Variants in CNTNAP4 observed in about 807,000 individuals in gnomAD.
CNTNAP4 encodes the protein contactin-associated protein-like 4.
Under a neutral mutation model 148.4 loss-of-function variants are expected in CNTNAP4, and 98 were observed. The ratio of observed to expected loss-of-function variants is 0.66; its 90% CI spans 0.56 to 0.78. The LOEUF is 0.78. Among genes scored for constraint, CNTNAP4 ranks in the 30% least tolerant of loss-of-function variants. CNTNAP4 has a pLI of 0.00. For synonymous variants in CNTNAP4, 730 were observed against 565.1 expected (o/e 1.29, Z -4.14); for missense variants, 1,935 against 1,565.6 (o/e 1.24, Z -3.98).
chr16:76,550,435 A>G (rs1024599619), intron 21 of CNTNAP4, among the ~76,000 whole-genome samples: 4 of 152,154 alleles, frequency 2.6e-5, no homozygotes, highest in South Asian at 2.1e-4. Context: ...AATAGGTGAA[A>G]TGTTTTCAGT....
intron 3 of CNTNAP4, among the ~76,000 whole-genome samples, chr16:76,417,868 T>C (rs2079044066): frequency 6.6e-6 from 1 of 151,730 alleles, no homozygotes; most frequent in East Asian, 1.9e-4. Context: ...TCTCTGGATA[T>C]AGAGTTGTAG....
At chr16:76,537,443 G>GGT (rs200832627) in intron 18 of CNTNAP4, among the ~76,000 whole-genome samples, 43 of 96,420 alleles carry the variant, frequency 4.5e-4, no homozygotes, top group African/African-American at 1.1e-3. Context: ...ATATGTATTT[G>GGT]GTGTGTGTGT....
At chr16:76,355,559 C>T in intron 3 of CNTNAP4, 48 bp downstream of exon 3, 2 of 1,417,362 alleles carry the variant, frequency 1.4e-6, no homozygotes, top group Non-Finnish European at 9.6e-7. Flanking sequence ...AAAGTATAAT[C>T]AGTACTGCAT....
intron 2 of CNTNAP4, among the ~76,000 whole-genome samples, chr16:76,326,355 C>T (rs1369887369): frequency 6.6e-6 from 1 of 152,134 alleles, no homozygotes; most frequent in Non-Finnish European, 1.5e-5. Flanking sequence ...TATCAAAAGC[C>T]AGGACTCCTA....
chr16:76,306,614 C>G (rs544531547), intron 1 of CNTNAP4, among the ~76,000 whole-genome samples: 1 of 152,200 alleles, frequency 6.6e-6, no homozygotes, highest in Non-Finnish European at 1.5e-5. Context: ...TCGCATACGT[C>G]CAGTGACAGG....
In CNTNAP4 at chr16:76,356,313, A is replaced by G. The variant is rs996413204; in HGVS notation, c.390+802A>G. ...AATATGTGGAGTTGTATATGTATGT[A>G]TATGCATACACATGTACGCATATAT... On this transcript the variant is annotated intron_variant, in intron 3 of 23. Coordinates refer to ENST00000611870, the MANE Select transcript of CNTNAP4 (RefSeq NM_033401.5). 2.6e-5 allele frequency among the ~76,000 whole-genome samples: 4 copies of G among 152,024 alleles called. No homozygotes were observed. The Admixed American group carries it at 2.6e-4, about 10-fold the overall frequency.
chr16:76,530,350 T>C (rs1323156705), intron 17 of CNTNAP4, among the ~76,000 whole-genome samples: 5 of 152,188 alleles, frequency 3.3e-5, no homozygotes, highest in Non-Finnish European at 7.4e-5. Flanking sequence ...AATTACGCAC[T>C]TCTCCCATCC....
At chr16:76,377,977 A>T (rs144629316) in intron 3 of CNTNAP4, among the ~76,000 whole-genome samples, 1 of 152,182 alleles carries the variant, frequency 6.6e-6, no homozygotes, top group Non-Finnish European at 1.5e-5. Context: ...AATAAATTAA[A>T]GTTTTCAGGA....
intron 4 of CNTNAP4, among the ~76,000 whole-genome samples, chr16:76,445,750 C>A (rs1455980071): frequency 1.3e-5 from 2 of 152,070 alleles, no homozygotes; most frequent in Non-Finnish European, 2.9e-5. Flanking sequence ...GGGAAAAATT[C>A]TCTTGGTAGC....
Position 76,316,425 on chromosome 16 carries a change from A to G in CNTNAP4, c.98A>G (p.Asp33Gly). ...VEAGNSYDCDDPLVSALPQAS... is the reference protein window; with the variant it reads ...VEAGNSYDCDGPLVSALPQAS... ...TTCCTCCTGGCAGATGACTGTGATG[A>G]TCCTCTTGTGTCTGCCTTGCCTCAG... Residue 33 changes from aspartate to glycine, a missense_variant, in exon 2 of 24, where the codon GAT becomes GGT. By Grantham distance (94) the Asp-to-Gly change is moderately conservative. Transcript: ENST00000611870. 1 of 1,613,332 alleles carries G rather than the reference A, an allele frequency of 6.2e-7. No individual in the cohort carries two copies. The highest frequency in any genetic ancestry group is 1.3e-5 in the African/African-American group (1 of 75,034).
chr16:76,302,742 G>T (rs1960108798), intron 1 of CNTNAP4, among the ~76,000 whole-genome samples: 2 of 152,148 alleles, frequency 1.3e-5, no homozygotes, highest in Admixed American at 1.3e-4. Context: ...CTGCACTCGA[G>T]GGGAGGGGAT....
intron 3 of CNTNAP4, among the ~76,000 whole-genome samples, chr16:76,415,945 C>T (rs4261574): frequency 0.35 from 52,035 of 146,998 alleles, 10,732 homozygotes; most frequent in Non-Finnish European, 0.45. Context: ...TTTTTTTTAA[C>T]TCTGTCTTAT....
chr16:76,498,498 C>T lies in CNTNAP4; in HGVS notation c.2238-69C>T, dbSNP rs987047690. ...TAGGTGCAAATTTAGTTCAGAACAT[C>T]TTGGTTTTGCAATGCAATAAGGACT... On this transcript the variant is annotated intron_variant, in intron 14 of 23. Transcript: ENST00000611870. 5.7e-6 allele frequency: 8 copies of T among 1,397,922 alleles called. 1 individual carries two copies. In the South Asian group the frequency reaches 8.6e-5, roughly 15 times the overall value. 86.6% of individuals were successfully genotyped at this position (1,397,922 alleles called of 1,614,324 possible).
chr16:76,510,446 G>A (rs2082968356), intron 15 of CNTNAP4, among the ~76,000 whole-genome samples: 1 of 148,840 alleles, frequency 6.7e-6, no homozygotes, highest in Non-Finnish European at 1.5e-5. Context: ...TTATGATAAG[G>A]CTTCTGTGGA....
intron 1 of CNTNAP4, among the ~76,000 whole-genome samples, chr16:76,291,741 C>A (rs908894409): frequency 6.6e-6 from 1 of 152,148 alleles, no homozygotes; most frequent in African/African-American, 2.4e-5. Flanking sequence ...AGCAAACAAA[C>A]AATAATCTTT....
At chr16:76,492,630 C>T (rs1183841366) in intron 13 of CNTNAP4, among the ~76,000 whole-genome samples, 2 of 152,118 alleles carry the variant, frequency 1.3e-5, no homozygotes, top group East Asian at 3.9e-4. Flanking sequence ...ATAATTGAAT[C>T]ATGGGGGCAG....
In CNTNAP4 at chr16:76,288,128, T is replaced by C. The variant is rs547085714; in HGVS notation, c.85+10381T>C. The stretch of plus-strand genomic sequence containing the variant: ...GGCGGTTGTCCCCATACTGTTCTTG[T>C]TATAGTGAATGAGATCTCGTGAGAT... On this transcript the variant is annotated intron_variant, in intron 1 of 23. Transcript: ENST00000611870. 3.3e-5 allele frequency among the ~76,000 whole-genome samples: 5 copies of C among 152,140 alleles called. No individual in the cohort carries two copies. The East Asian group carries it at 9.7e-4, about 30-fold the overall frequency.
At chr16:76,309,223 G>T (rs1960824266) in intron 1 of CNTNAP4, among the ~76,000 whole-genome samples, 1 of 152,038 alleles carries the variant, frequency 6.6e-6, no homozygotes, top group Non-Finnish European at 1.5e-5. Context: ...TACAGCTGCA[G>T]CTGTGAGGAT....
At chr16:76,324,163 C>T (rs1391153870) in intron 2 of CNTNAP4, among the ~76,000 whole-genome samples, 1 of 152,120 alleles carries the variant, frequency 6.6e-6, no homozygotes, top group Non-Finnish European at 1.5e-5. Flanking sequence ...CAGGATGCTC[C>T]CGCCTTAGGA....
Sources: gnomAD v4.1 joint callset for allele counts (sites outside exome capture counted in the v4.1 genomes callset) on GRCh38, gnomAD v4.1.1 for gene constraint, MANE v1.5 for transcripts, NCBI Gene and HGNC (gene_info 2026-07-23, HGNC 2026-07-21) for gene names.